SLC36A1: variants seen among roughly 807,000 people sequenced by gnomAD.
SLC36A1 encodes the protein solute carrier family 36 member 1.
A neutral mutation model predicts 47.5 loss-of-function variants in SLC36A1; 30 were observed. That is an observed-to-expected ratio of 0.63 (90% CI 0.47 to 0.86). The LOEUF (loss-of-function observed/expected upper bound fraction) is 0.86. SLC36A1 is among the 40% of genes least tolerant of loss of function. The pLI, the probability that SLC36A1 is intolerant of heterozygous loss-of-function variation, is 0.00. For missense variants in SLC36A1, 517 were observed against 606.0 expected (o/e 0.85, Z 1.54); for synonymous variants, 255 against 249.7 (o/e 1.02, Z -0.20).
chr5:151,504,935 G>A, the SLC36A1 span: 1 of 152,928 alleles, frequency 6.5e-6, no homozygotes, highest in Non-Finnish European at 1.5e-5. Flanking sequence ...CGGAGTCCTT[G>A]TTGCCCTCCA....
rs948188093 is a variant in SLC36A1 at position 151,491,824 on chromosome 5, A to T, written c.*3570A>T. ...CTTAGAAGTTAATTTTCCAAAGTACATTACAAATCTCTGAGGCCATTAGGG... is the reference window on the plus strand; with the variant it reads ...CTTAGAAGTTAATTTTCCAAAGTACTTTACAAATCTCTGAGGCCATTAGGG... On this transcript the variant is annotated 3_prime_UTR_variant, in exon 11 of 11. Coordinates refer to ENST00000243389, the MANE Select transcript of SLC36A1 (RefSeq NM_078483.4). 2 of 152,326 alleles carry T rather than the reference A, an allele frequency of 1.3e-5. No homozygotes were observed. Among genetic ancestry groups the T allele is most frequent in the African/African-American group, 2.4e-5 (1 of 41,462 alleles). 9.4% of individuals were successfully genotyped at this position (152,326 alleles called of 1,614,324 possible). A position where few individuals can be genotyped will look rare whatever the true frequency, so the allele number is the denominator to read the frequency against.
At chr5:151,544,595 C>T in the SLC36A1 span, 1 of 1,614,104 alleles carries the variant, frequency 6.2e-7, no homozygotes, top group Admixed American at 1.7e-5. Flanking sequence ...GGTACTCTGA[C>T]TTTGTAATAA....
At chr5:151,497,958 T>A in the SLC36A1 span, among the ~76,000 whole-genome samples, 3 of 151,880 alleles carry the variant, frequency 2.0e-5, no homozygotes, top group African/African-American at 7.3e-5. Context: ...TTTTTCTTTT[T>A]TTTTGAGACG....
the SLC36A1 span, among the ~76,000 whole-genome samples, chr5:151,371,677 G>A: frequency 3.3e-5 from 5 of 152,320 alleles, no homozygotes; most frequent in African/African-American, 9.6e-5. Context: ...GAAAAAGGAT[G>A]TGTAACAAGG....
chr5:151,525,665 T>G, the SLC36A1 span: 1 of 1,317,258 alleles, frequency 7.6e-7, no homozygotes, highest in Non-Finnish European at 1.1e-6. Flanking sequence ...GCATCCTAAG[T>G]GCTTTGTACA....
intron 8 of SLC36A1, 90 bp from the exon 9 acceptor site, chr5:151,476,500 A>T: frequency 9.8e-7 from 1 of 1,023,588 alleles, no homozygotes; most frequent in Non-Finnish European, 1.4e-6. Flanking sequence ...GGGATAAAAG[A>T]GTTACTTTTT....
At chr5:151,539,484 A>G in the SLC36A1 span, among the ~76,000 whole-genome samples, 1 of 152,300 alleles carries the variant, frequency 6.6e-6, no homozygotes, top group South Asian at 2.1e-4. Context: ...GTATATGCTT[A>G]TATGTTTATG....
the SLC36A1 span, among the ~76,000 whole-genome samples, chr5:151,497,434 A>G: frequency 6.6e-6 from 1 of 152,198 alleles, no homozygotes; most frequent in Admixed American, 6.5e-5. Context: ...TACTTGGAAT[A>G]AATCCTACTT....
chr5:151,366,102 C>T, the SLC36A1 span, among the ~76,000 whole-genome samples: 2 of 152,190 alleles, frequency 1.3e-5, no homozygotes, highest in African/African-American at 4.8e-5. Context: ...CATACTCTTC[C>T]TGACATTCCT....
At position 151,491,753 on chromosome 5, in the gene SLC36A1, GAC is replaced by G. The variant is rs376382399; in HGVS notation, c.*3503_*3504del. The G allele has an allele frequency of 3.7e-4, 57 of 152,792 alleles. 1 individual carries two copies. Among genetic ancestry groups the G allele is most frequent in the African/African-American group, 1.4e-3 (57 of 41,588 alleles). The allele number at this position is 152,792 out of a possible 1,614,324, so 9.5% of individuals were successfully genotyped here. ...CACAATGCTGCTTCCTCGAAGAGAAGACACAGAGTCCAAGTGGCAGGACTTGA... is the reference window on the plus strand; with the variant it reads ...CACAATGCTGCTTCCTCGAAGAGAAGACAGAGTCCAAGTGGCAGGACTTGA... On this transcript the variant is annotated 3_prime_UTR_variant, in exon 11 of 11. Transcript: ENST00000243389.
intron 7 of SLC36A1, chr5:151,469,226 A>G: frequency 1.4e-6 from 1 of 700,132 alleles, no homozygotes; most frequent in Non-Finnish European, 2.6e-6. Context: ...GCTGTATGTG[A>G]TTGGTCTGTC....
chr5:151,414,373 C>T, the SLC36A1 span, among the ~76,000 whole-genome samples: 4 of 142,884 alleles, frequency 2.8e-5, no homozygotes, highest in Non-Finnish European at 4.4e-5. Flanking sequence ...ATAGCCCAGA[C>T]GTGTTGAAGC....
At chr5:151,458,306 A>G (rs60140819) in intron 1 of SLC36A1, among the ~76,000 whole-genome samples, 25,276 of 91,794 alleles carry the variant, frequency 0.28, 2,417 homozygotes, top group East Asian at 0.45. Flanking sequence ...ATACACGTGT[A>G]TATACGTATA....
chr5:151,450,748 C>T (rs1225802191), intron 1 of SLC36A1, among the ~76,000 whole-genome samples: 1 of 152,192 alleles, frequency 6.6e-6, no homozygotes, highest in African/African-American at 2.4e-5. Context: ...TCTTTAAATG[C>T]TTGATATCGC....
At chr5:151,498,918 C>A in the SLC36A1 span, among the ~76,000 whole-genome samples, 1 of 152,234 alleles carries the variant, frequency 6.6e-6, no homozygotes, top group Non-Finnish European at 1.5e-5. Flanking sequence ...TCATACCTGC[C>A]TGCGCTGGAG....
the SLC36A1 span, among the ~76,000 whole-genome samples, chr5:151,359,191 A>G: frequency 6.6e-6 from 1 of 152,196 alleles, no homozygotes; most frequent in Non-Finnish European, 1.5e-5. Context: ...AACTGTCTGA[A>G]CCATCATTTC....
chr5:151,488,380 C>A lies in SLC36A1; in HGVS notation c.*126C>A. The A allele has an allele frequency of 8.0e-7, 1 of 1,249,694 alleles. No individual in the cohort carries two copies. Among genetic ancestry groups the A allele is most frequent in the Non-Finnish European group, 1.1e-6 (1 of 913,064 alleles). The allele number at this position is 1,249,694 out of a possible 1,614,324, so 77.4% of individuals were successfully genotyped here. A position where few individuals can be genotyped will look rare whatever the true frequency, so the allele number is the denominator to read the frequency against. ...GGGTTGCTGTGTGGGAACCCCTCTG[C>A]CTGGCACCTGGATACCCTGGGCCAG... On this transcript the variant is annotated 3_prime_UTR_variant, in exon 11 of 11. Coordinates refer to ENST00000243389, the MANE Select transcript of SLC36A1 (RefSeq NM_078483.4).
chr5:151,549,443 A>C, the SLC36A1 span: 9 of 1,614,018 alleles, frequency 5.6e-6, no homozygotes, highest in African/African-American at 2.7e-5. Context: ...GGAGGTTTCC[A>C]TCCTCCACAT....
At chr5:151,545,678 G>A in the SLC36A1 span, 21 of 1,614,016 alleles carry the variant, frequency 1.3e-5, no homozygotes, top group Admixed American at 8.3e-5. Flanking sequence ...CCCATGCTGG[G>A]ATCAATTTTG....
Sources: gnomAD v4.1 joint callset for allele counts (sites outside exome capture counted in the v4.1 genomes callset) on GRCh38, gnomAD v4.1.1 for gene constraint, MANE v1.5 for transcripts, NCBI Gene and HGNC (gene_info 2026-07-23, HGNC 2026-07-21) for gene names.